PLCD4: variants seen among roughly 807,000 people sequenced by gnomAD.
PLCD4 encodes the protein 1-phosphatidylinositol 4,5-bisphosphate phosphodiesterase delta-4.
A neutral mutation model predicts 90.2 loss-of-function variants in PLCD4; 63 were observed. The observed-to-expected ratio is 0.70, with a 90% confidence interval of 0.57 to 0.86. The LOEUF (loss-of-function observed/expected upper bound fraction) is 0.86. Ranked by LOEUF, PLCD4 falls within the 40% of genes least tolerant of loss-of-function variation. The pLI, the probability that PLCD4 is intolerant of heterozygous loss-of-function variation, is 0.00. For synonymous variants in PLCD4, 294 were observed against 356.5 expected (o/e 0.82, Z 1.97); for missense variants, 830 against 956.3 (o/e 0.87, Z 1.74).
Position 218,622,660 on chromosome 2 carries a change from C to T in PLCD4, c.554C>T (p.Ser185Phe). 6.2e-7 allele frequency: 1 copy of T among 1,613,148 alleles called. No individual in the cohort carries two copies. Among genetic ancestry groups the T allele is most frequent in the Non-Finnish European group, 8.5e-7 (1 of 1,179,162 alleles). Residue 185 changes from serine (S) to phenylalanine (F), a missense_variant, in exon 6 of 16, where the codon TCC becomes TTC. Transcript: ENST00000450993. ...CCTCTCTTGCAGGCAGCAGACACGT[C>T]CCAGTCTGGAACCCTGGAAGGAGAA... is the stretch of plus-strand genomic sequence containing the variant. ...AFSLFQAADT[S>F]QSGTLEGEEF...
Position 218,630,667 on chromosome 2 carries a change from C to T in PLCD4, c.1137C>T (p.Val379=). The T allele has an allele frequency of 1.2e-6, 2 of 1,614,028 alleles. No homozygotes were observed. The highest frequency in any genetic ancestry group is 8.5e-7 in the Non-Finnish European group (1 of 1,179,904). Residue 379 remains valine, a synonymous_variant, in exon 9 of 16, where the codon GTC becomes GTT. Coordinates refer to ENST00000450993, the MANE Select transcript of PLCD4 (RefSeq NM_032726.4). The part of the protein sequence containing the change: ...QYAFQTSDYP[V]ILSLETHCSW... ...ACCACCAGACATCAGACTACCCAGT[C>T]ATCTTGTCCCTGGAGACCCACTGCA...
At position 218,637,013 on chromosome 2, in the gene PLCD4, G is replaced by A. The variant is rs1575049105; in HGVS notation, c.*436G>A. The stretch of plus-strand genomic sequence containing the variant: ...ACTTCCTCAAAGCCCAAAGCCAAGG[G>A]AAGGATAAATCAAGGCTCAAGGCTT... On this transcript the variant is annotated 3_prime_UTR_variant, in exon 16 of 16. Transcript: ENST00000450993. 13 of 435,464 alleles carry A rather than the reference G, an allele frequency of 3.0e-5. 1 individual carries two copies. In the Middle Eastern group the frequency reaches 1.0e-3, roughly 34 times the overall value. 27.0% of individuals were successfully genotyped at this position (435,464 alleles called of 1,614,324 possible). A position where few individuals can be genotyped will look rare whatever the true frequency, so the allele number is the denominator to read the frequency against.
At position 218,628,013 on chromosome 2, in the gene PLCD4, CCT is replaced by C. The variant is rs1431141524; in HGVS notation, c.773-15_773-14del. The C allele has an allele frequency of 1.2e-5, 19 of 1,605,556 alleles. No individual in the cohort carries two copies. The East Asian group carries it at 3.6e-4, about 30-fold the overall frequency. ...TTCAGAGCTTCTCACCTAGTGTTCC[CCT>C]GTCCACACTCCAGGCAAACTGCGGC... On this transcript the variant is annotated splice_polypyrimidine_tract_variant and intron_variant, in intron 6 of 15. Transcript: ENST00000450993.
Position 218,622,762 on chromosome 2 carries a change from G to T in PLCD4, c.656G>T (p.Gly219Val). 6.2e-7 allele frequency: 1 copy of T among 1,613,924 alleles called. No individual in the cohort carries two copies. Among genetic ancestry groups the T allele is most frequent in the Non-Finnish European group, 8.5e-7 (1 of 1,179,860 alleles). Residue 219 changes from glycine to valine, a missense_variant, in exon 6 of 16, where the codon GGG becomes GTG. Coordinates refer to ENST00000450993, the MANE Select transcript of PLCD4 (RefSeq NM_032726.4). ...CTGTTTGAAAGTTTTTCAGCTGATGGGCAGAAGCTGACTCTGCTGGAATTT... is the reference window on the plus strand; with the variant it reads ...CTGTTTGAAAGTTTTTCAGCTGATGTGCAGAAGCTGACTCTGCTGGAATTT... ...QELFESFSAD[G>V]QKLTLLEFLD...
intron 6 of PLCD4, among the ~76,000 whole-genome samples, chr2:218,626,551 C>T (rs1193205296): frequency 6.6e-6 from 1 of 152,200 alleles, no homozygotes; most frequent in African/African-American, 2.4e-5. Context: ...ACATCTACTT[C>T]ATCACGTTAC....
Position 218,624,645 on chromosome 2 carries a change from G to A in PLCD4, c.772+1767G>A, listed in dbSNP as rs141609762. 9.8e-3 allele frequency among the ~76,000 whole-genome samples: 1,463 copies of A among 149,908 alleles called. 22 individuals carry two copies. Among genetic ancestry groups the A allele is most frequent in the African/African-American group, 0.034 (1,387 of 40,682 alleles). ...TGAGGCATAAGAATCGCTTGAACTC[G>A]GGAGGTGGAGGCTGTAGTAAGCCGA... On this transcript the variant is annotated intron_variant, in intron 6 of 15. Transcript: ENST00000450993.
At chr2:218,622,613 G>A in intron 5 of PLCD4, 34 bp from the exon 6 acceptor site, 1 of 1,475,428 alleles carries the variant, frequency 6.8e-7, no homozygotes, top group Non-Finnish European at 9.1e-7. Context: ...CCCATTAAAA[G>A]TTTCATTCAC....
At chr2:218,633,850 C>G in intron 11 of PLCD4, 89 bp downstream of exon 11, 1 of 1,475,756 alleles carries the variant, frequency 6.8e-7, no homozygotes, top group African/African-American at 1.4e-5. Flanking sequence ...AGAAAAAAGA[C>G]AAGGTAGCTA....
At chr2:218,631,593 A>G (rs1049714009) in intron 9 of PLCD4, among the ~76,000 whole-genome samples, 4 of 152,068 alleles carry the variant, frequency 2.6e-5, no homozygotes, top group Non-Finnish European at 5.9e-5. Flanking sequence ...TCAGGTGTTC[A>G]AGACTAGCCT....
At chr2:218,628,393 G>A (rs1022255899) in intron 7 of PLCD4, 163 bp downstream of exon 7, 2 of 649,868 alleles carry the variant, frequency 3.1e-6, no homozygotes, top group Admixed American at 5.7e-5. Context: ...AGACTGGTGG[G>A]AGAATGGTAA....
intron 6 of PLCD4, among the ~76,000 whole-genome samples, chr2:218,624,626 A>G (rs1696022132): frequency 6.6e-6 from 1 of 151,848 alleles, no homozygotes; most frequent in South Asian, 2.1e-4. Flanking sequence ...AGGCTGAGGC[A>G]TAAGAATCGC....
intron 8 of PLCD4, 109 bp from the exon 9 acceptor site, chr2:218,630,541 G>A: frequency 8.1e-7 from 1 of 1,235,262 alleles, no homozygotes; most frequent in South Asian, 1.3e-5. Flanking sequence ...TAGTGATCAG[G>A]GTACTCATCT....
intron 10 of PLCD4, 148 bp from the exon 11 acceptor site, chr2:218,633,457 T>C (rs1261712432): frequency 1.1e-5 from 10 of 946,948 alleles, no homozygotes; most frequent in Non-Finnish European, 1.5e-5. Flanking sequence ...TTTCCAAGCC[T>C]GAGTCCCTTC....
chr2:218,612,904 G>C (rs140173912), intron 1 of PLCD4, among the ~76,000 whole-genome samples: 1 of 152,188 alleles, frequency 6.6e-6, no homozygotes, highest in African/African-American at 2.4e-5. Flanking sequence ...CAAAAGAGAC[G>C]TAGGGCACTA....
chr2:218,613,339 C>T (rs61156080), intron 1 of PLCD4, among the ~76,000 whole-genome samples: 3 of 139,232 alleles, frequency 2.2e-5, no homozygotes, highest in East Asian at 2.1e-4. Context: ...TGTAGTGAGC[C>T]GAGATTGTGC....
Position 218,628,159 on chromosome 2 carries a change from C to G in PLCD4, c.903C>G (p.Ile301Met). ...CTCAACCCCTGAACCACTACTTCAT[C>G]TGCTCTTCTCATAACACCTACCTAG... ...DMTQPLNHYFICSSHNTYLVG... is the reference protein window; with the variant it reads ...DMTQPLNHYFMCSSHNTYLVG... Residue 301 changes from isoleucine to methionine, a missense_variant, in exon 7 of 16, where the codon ATC (isoleucine) becomes ATG (methionine). Coordinates refer to ENST00000450993, the MANE Select transcript of PLCD4 (RefSeq NM_032726.4). 6.2e-7 allele frequency: 1 copy of G among 1,614,068 alleles called. No homozygotes were observed. The highest frequency in any genetic ancestry group is 8.5e-7 in the Non-Finnish European group (1 of 1,179,900).
intron 9 of PLCD4, among the ~76,000 whole-genome samples, chr2:218,631,052 C>T (rs1024742659): frequency 6.6e-6 from 1 of 152,108 alleles, no homozygotes; most frequent in Non-Finnish European, 1.5e-5. Context: ...GTGGAAGTAT[C>T]TTGATTTTTT....
intron 5 of PLCD4, 59 bp from the exon 6 acceptor site, chr2:218,622,588 A>G: frequency 7.7e-7 from 1 of 1,298,926 alleles, no homozygotes; most frequent in Non-Finnish European, 1.0e-6. Flanking sequence ...TTTTTTAATT[A>G]AAAAGATAAC....
intron 6 of PLCD4, among the ~76,000 whole-genome samples, chr2:218,623,868 G>C (rs184266843): frequency 5.7e-4 from 86 of 152,134 alleles, no homozygotes; most frequent in Non-Finnish European, 1.2e-3. Flanking sequence ...TTTTAGTAGA[G>C]GATGGGGTTT....
Sources: gnomAD v4.1 joint callset for allele counts (sites outside exome capture counted in the v4.1 genomes callset) on GRCh38, gnomAD v4.1.1 for gene constraint, MANE v1.5 for transcripts, NCBI Gene and HGNC (gene_info 2026-07-23, HGNC 2026-07-21) for gene names.